The following STAB1 variants were observed in gnomAD, a reference collection of about 807,000 sequenced individuals.
STAB1 encodes the protein stabilin 1.
A neutral mutation model predicts 332.4 loss-of-function variants in STAB1; 250 were observed. That is an observed-to-expected ratio of 0.75 (90% CI 0.68 to 0.84). STAB1 has a LOEUF of 0.84. Ranked by LOEUF, STAB1 falls within the 40% of genes least tolerant of loss-of-function variation. The probability of loss-of-function intolerance (pLI) is 0.00; values close to 1 mark genes in which losing one functional copy is unlikely to be tolerated. For missense variants in STAB1, 3,249 were observed against 3,489.7 expected (o/e 0.93, Z 1.74); for synonymous variants, 1,475 against 1,390.4 (o/e 1.06, Z -1.35).
rs371028934 is a variant in STAB1, at chr3:52,521,965, C to T, written c.6271+14C>T. On this transcript the variant is annotated intron_variant, in intron 58 of 68. Transcript: ENST00000321725. ...GTGTGTGTACAGGTAAGCAGATGGG[C>T]GGGGACATGGAGGTGGGAGGCCCCC... 2.9e-5 allele frequency: 46 copies of T among 1,606,086 alleles called. No individual in the cohort carries two copies. Among genetic ancestry groups the T allele is most frequent in the Middle Eastern group, 1.7e-4 (1 of 6,038 alleles).
rs1319225862 is a variant in STAB1, at chr3:52,521,608, C to T, written c.6071C>T (p.Thr2024Ile). The change falls in exon 57 of 69, where the codon ACT becomes ATT. Residue 2024 changes from threonine (T) to isoleucine (I), a missense_variant. By Grantham distance (89) the Thr-to-Ile change is moderately conservative (BLOSUM62 -1). Coordinates refer to ENST00000321725, the MANE Select transcript of STAB1 (RefSeq NM_015136.3). Reference sequence around the variant, plus strand: ...TCCCTCTCCCCAGCCTGCCGCTGCACTGTGCATGGCCGCTGTGATGAGGGC... The same window carrying T: ...TCCCTCTCCCCAGCCTGCCGCTGCATTGTGCATGGCCGCTGTGATGAGGGC... ...FGPHCQACRC[T>I]VHGRCDEGLG... 6.2e-7 allele frequency: 1 copy of T among 1,613,104 alleles called. No individual in the cohort carries two copies. Among genetic ancestry groups the T allele is most frequent in the Non-Finnish European group, 8.5e-7 (1 of 1,179,874 alleles).
chr3:52,513,002 G>T (rs777252531), intron 29 of STAB1, 44 bp downstream of exon 29: 26 of 1,594,262 alleles, frequency 1.6e-5, no homozygotes, highest in Non-Finnish European at 2.1e-5. Flanking sequence ...TTCCTTGAGG[G>T]ACCCAGTCCC....
chr3:52,506,889 C>T, intron 18 of STAB1, 39 bp downstream of exon 18: 4 of 1,601,992 alleles, frequency 2.5e-6, no homozygotes, highest in East Asian at 2.2e-5. Flanking sequence ...TACTCACTAA[C>T]CCCTGTCAGC....
intron 8 of STAB1, 49 bp downstream of exon 8, chr3:52,503,589 CTGGCTA>C: frequency 1.3e-6 from 2 of 1,596,148 alleles, no homozygotes; most frequent in Non-Finnish European, 1.7e-6. Context: ...CACCCAAACA[CTGGCTA>C]TGGGACCCTG....
chr3:52,518,954 A>G, intron 48 of STAB1, 85 bp downstream of exon 48: 3 of 1,120,148 alleles, frequency 2.7e-6, no homozygotes, highest in Non-Finnish European at 1.2e-6. Context: ...CGGCCCACGC[A>G]GTCAAGAACC....
chr3:52,504,803 CA>C lies in STAB1; in HGVS notation c.1306del (p.Arg436GlyfsTer46). ...IIAGQHILED[T>X]RTQQTRRWWT... Reference sequence around the variant, plus strand: ...GCAGGGCAGCACATCCTGGAGGACACAAGGACCCAACAAACACGAAGGTGGT... The same window carrying C: ...GCAGGGCAGCACATCCTGGAGGACACAGGACCCAACAAACACGAAGGTGGT... On this transcript the variant is annotated frameshift_variant, in exon 12 of 69. Coordinates refer to ENST00000321725, the MANE Select transcript of STAB1 (RefSeq NM_015136.3). LOFTEE classifies it high-confidence loss of function. 1 of 1,613,894 alleles carries C rather than the reference CA, an allele frequency of 6.2e-7. No homozygotes were observed. The highest frequency in any genetic ancestry group is 8.5e-7 in the Non-Finnish European group (1 of 1,180,026).
At position 52,520,789 on chromosome 3, in the gene STAB1, A is replaced by T. The variant is rs1397285125; in HGVS notation, c.5707-15A>T. On this transcript the variant is annotated splice_polypyrimidine_tract_variant and intron_variant, in intron 54 of 68. Coordinates refer to ENST00000321725, the MANE Select transcript of STAB1 (RefSeq NM_015136.3). Reference sequence around the variant, plus strand: ...CTCAGAACCACCCAACTGCGGCCTGACTCCTTTGGCCCAGGGCAGCCCTGA... The same window carrying T: ...CTCAGAACCACCCAACTGCGGCCTGTCTCCTTTGGCCCAGGGCAGCCCTGA... 1.9e-6 allele frequency: 3 copies of T among 1,612,508 alleles called. No individual in the cohort carries two copies. The Admixed American group carries it at 5.0e-5, about 27-fold the overall frequency.
chr3:52,506,392 C>A, intron 17 of STAB1, 142 bp downstream of exon 17: 3 of 822,588 alleles, frequency 3.6e-6, no homozygotes, highest in South Asian at 3.3e-5. Context: ...AGGAAGCAGG[C>A]AGAGATCAAA....
chr3:52,518,157 A>C, intron 45 of STAB1, 154 bp downstream of exon 45: 4 of 1,488,082 alleles, frequency 2.7e-6, no homozygotes, highest in Non-Finnish European at 3.6e-6. Flanking sequence ...GACCCCAGCT[A>C]TGACCCATGA....
rs766738517 is a variant in STAB1, at chr3:52,517,064, T to C, written c.4444T>C (p.Cys1482Arg). Reference sequence around the variant, plus strand: ...CAAGGTGGCACCTGGGCAGCGGACATGCACCTGCCAGGATGGCTACATGGG... The same window carrying C: ...CAAGGTGGCACCTGGGCAGCGGACACGCACCTGCCAGGATGGCTACATGGG... ...CTKVAPGQRT[C>R]TCQDGYMGDG... Residue 1482 changes from cysteine (C) to arginine (R), a missense_variant, in exon 42 of 69, where the codon TGC (cysteine) becomes CGC (arginine). Cys to Arg is a radical substitution (Grantham distance 180). Coordinates refer to ENST00000321725, the MANE Select transcript of STAB1 (RefSeq NM_015136.3). The C allele has an allele frequency of 6.3e-7, 1 of 1,597,198 alleles. No individual in the cohort carries two copies.
intron 37 of STAB1, 27 bp from the exon 38 acceptor site, chr3:52,516,015 GC>G: frequency 6.4e-7 from 1 of 1,569,948 alleles, no homozygotes; most frequent in Non-Finnish European, 8.6e-7. Context: ...GGCCTCTCTC[GC>G]CCTCTCTCCC....
At chr3:52,496,336 G>T (rs1320705290) in intron 1 of STAB1, among the ~76,000 whole-genome samples, 1 of 152,202 alleles carries the variant, frequency 6.6e-6, no homozygotes, top group Non-Finnish European at 1.5e-5. Flanking sequence ...TCTCTCTCCT[G>T]TGAGGCTGAG....
chr3:52,521,063 A>G (rs1281719487), intron 55 of STAB1, 58 bp downstream of exon 55: 2 of 1,467,090 alleles, frequency 1.4e-6, no homozygotes, highest in Admixed American at 2.6e-5. Flanking sequence ...GCCAAGGCAC[A>G]GCTCTGGCCA....
rs1337778593 is a variant in STAB1, at chr3:52,524,286, C to T, written c.7657-14C>T. 1.2e-6 allele frequency: 2 copies of T among 1,613,890 alleles called. No homozygotes were observed. The highest frequency in any genetic ancestry group is 1.1e-5 in the South Asian group (1 of 91,082). ...CCCTGGTCACACCCTCCACCACCAA[C>T]CCTGCTCTTCTAGGACTCACTGCTG... On this transcript the variant is annotated splice_polypyrimidine_tract_variant and intron_variant, in intron 68 of 68. Coordinates refer to ENST00000321725, the MANE Select transcript of STAB1 (RefSeq NM_015136.3).
At chr3:52,503,278 A>G (rs1708587047) in intron 7 of STAB1, 66 bp from the exon 8 acceptor site, 6 of 1,544,718 alleles carry the variant, frequency 3.9e-6, no homozygotes, top group Non-Finnish European at 5.3e-6. Flanking sequence ...CTTCCTGGTG[A>G]AAGCTGTGGC....
chr3:52,507,546 C>CA, intron 18 of STAB1, 67 bp from the exon 19 acceptor site: 1 of 1,509,644 alleles, frequency 6.6e-7, no homozygotes, highest in South Asian at 1.2e-5. Context: ...ATGTTCCCTT[C>CA]TCTGGGTTTG....
rs567848205 is a variant in STAB1, at chr3:52,506,679, G to T, written c.1831-13G>T. ...GCCAGGCTGGGGGTTGGCTCAGTGGGTCTCTGCCGCAGGGGCGCATCCTGC... is the reference window on the plus strand; with the variant it reads ...GCCAGGCTGGGGGTTGGCTCAGTGGTTCTCTGCCGCAGGGGCGCATCCTGC... On this transcript the variant is annotated splice_polypyrimidine_tract_variant and intron_variant, in intron 17 of 68. Coordinates refer to ENST00000321725, the MANE Select transcript of STAB1 (RefSeq NM_015136.3). The T allele has an allele frequency of 2.3e-5, 37 of 1,601,940 alleles. No homozygotes were observed. In the South Asian group the frequency reaches 2.8e-4, roughly 12 times the overall value.
At position 52,505,636 on chromosome 3, in the gene STAB1, C is replaced by T. The variant is rs199925265; in HGVS notation, c.1582-32C>T. The T allele has an allele frequency of 9.6e-4, 1,538 of 1,603,058 alleles. 6 individuals are homozygous for T. The highest frequency in any genetic ancestry group is 4.2e-3 in the Middle Eastern group (22 of 5,300). ...GACTCAGAGGTGGAGGCTGGCCATG[C>T]AACCCCCTGAGCCTCCCTTGCACCA... On this transcript the variant is annotated intron_variant, in intron 14 of 68. Coordinates refer to ENST00000321725, the MANE Select transcript of STAB1 (RefSeq NM_015136.3).
At chr3:52,504,700 GC>G (rs763346490) in intron 11 of STAB1, 38 bp from the exon 12 acceptor site, 4 of 1,613,220 alleles carry the variant, frequency 2.5e-6, no homozygotes, top group East Asian at 2.2e-5. Flanking sequence ...AAGAGGACTG[GC>G]CCCCCGGCTC....
Sources: allele counts gnomAD v4.1 joint callset (sites outside exome capture counted in the v4.1 genomes callset), GRCh38; gene constraint gnomAD v4.1.1; transcripts MANE v1.5; gene names NCBI Gene and HGNC (gene_info 2026-07-23, HGNC 2026-07-21).